The following NDST4 variants were observed in gnomAD, a reference collection of about 807,000 sequenced individuals.
NDST4 encodes the protein N-deacetylase and N-sulfotransferase 4.
In NDST4, 63 loss-of-function variants were observed where a neutral mutation model predicts 100.8. The observed-to-expected ratio is 0.62, with a 90% CI of 0.51 to 0.77. The LOEUF (loss-of-function observed/expected upper bound fraction) is 0.77. Ranked by LOEUF, NDST4 falls within the 30% of genes least tolerant of loss-of-function variation. The probability of loss-of-function intolerance (pLI) is 0.00; values close to 1 mark genes in which losing one functional copy is unlikely to be tolerated. For missense variants in NDST4, 943 were observed against 1,018.4 expected (o/e 0.93, Z 1.01); for synonymous variants, 377 against 361.8 (o/e 1.04, Z -0.48).
At chr4:114,965,357 C>T (rs553177973) in intron 4 of NDST4, among the ~76,000 whole-genome samples, 1 of 151,932 alleles carries the variant, frequency 6.6e-6, no homozygotes, top group Admixed American at 6.6e-5. Flanking sequence ...GAGTGTGCAG[C>T]CTATTATGAC....
chr4:115,017,574 G>T (rs995675693), intron 2 of NDST4, among the ~76,000 whole-genome samples: 31 of 151,944 alleles, frequency 2.0e-4, no homozygotes, highest in African/African-American at 7.5e-4. Flanking sequence ...AGGTCATTTT[G>T]GGAAACACCA....
chr4:115,006,456 T>C (rs1727419493), intron 2 of NDST4, among the ~76,000 whole-genome samples: 1 of 152,068 alleles, frequency 6.6e-6, no homozygotes, highest in African/African-American at 2.4e-5. Context: ...GGGGTAGTAA[T>C]AAATATGAAA....
At chr4:115,077,603 T>C (rs1181102494) in intron 1 of NDST4, among the ~76,000 whole-genome samples, 3 of 152,196 alleles carry the variant, frequency 2.0e-5, no homozygotes, top group Admixed American at 6.6e-5. Context: ...TAACAAAGTA[T>C]GTCAGTTACC....
chr4:115,033,218 A>T (rs1461885461), intron 2 of NDST4, among the ~76,000 whole-genome samples: 2 of 143,682 alleles, frequency 1.4e-5, no homozygotes, highest in African/African-American at 5.2e-5. Context: ...CAGAAGTGTG[A>T]TCATGGCTCA....
At chr4:114,982,861 C>T (rs1230545436) in intron 2 of NDST4, among the ~76,000 whole-genome samples, 1 of 152,144 alleles carries the variant, frequency 6.6e-6, no homozygotes, top group African/African-American at 2.4e-5. Context: ...CATGGCCCAG[C>T]TTCTCTGTGC....
intron 6 of NDST4, among the ~76,000 whole-genome samples, chr4:114,891,857 G>A (rs11938588): frequency 0.23 from 34,280 of 152,010 alleles, 5,528 homozygotes; most frequent in African/African-American, 0.46. Flanking sequence ...TGATACAAAA[G>A]CATTCTATTG....
At chr4:114,932,078 A>G (rs1248299937) in intron 6 of NDST4, among the ~76,000 whole-genome samples, 5 of 151,932 alleles carry the variant, frequency 3.3e-5, no homozygotes, top group Non-Finnish European at 5.9e-5. Flanking sequence ...TGACAAACAT[A>G]GAGACAAAAG....
At chr4:114,927,258 G>A (rs935521370) in intron 6 of NDST4, among the ~76,000 whole-genome samples, 1 of 151,500 alleles carries the variant, frequency 6.6e-6, no homozygotes, top group African/African-American at 2.4e-5. Flanking sequence ...TACAATGAGA[G>A]AGATGTAGCC....
chr4:115,043,467 T>C (rs996283240), intron 2 of NDST4, among the ~76,000 whole-genome samples: 1 of 152,096 alleles, frequency 6.6e-6, no homozygotes, highest in Non-Finnish European at 1.5e-5. Context: ...ATAGGCACTA[T>C]ACACTGTTCA....
intron 1 of NDST4, among the ~76,000 whole-genome samples, chr4:115,099,651 A>C (rs2126297625): frequency 6.6e-6 from 1 of 152,310 alleles, no homozygotes; most frequent in South Asian, 2.1e-4. Context: ...AAAATCTAAA[A>C]CAATGACAAC....
chr4:115,044,179 G>T (rs543476263), intron 2 of NDST4, among the ~76,000 whole-genome samples: 1 of 152,264 alleles, frequency 6.6e-6, no homozygotes, highest in East Asian at 1.9e-4. Context: ...GGTAGGGACT[G>T]ATCCTTCCTT....
At chr4:114,986,002 G>T (rs1726892026) in intron 2 of NDST4, among the ~76,000 whole-genome samples, 1 of 152,130 alleles carries the variant, frequency 6.6e-6, no homozygotes, top group Admixed American at 6.6e-5. Context: ...TGGAGGGTAA[G>T]TTTCAGGAAC....
At chr4:115,071,411 A>G (rs1729075864) in intron 2 of NDST4, among the ~76,000 whole-genome samples, 1 of 152,088 alleles carries the variant, frequency 6.6e-6, no homozygotes, top group Admixed American at 6.6e-5. Flanking sequence ...GAAGTGGCCA[A>G]GGAAGAGTCC....
intron 6 of NDST4, among the ~76,000 whole-genome samples, chr4:114,908,995 A>G (rs1725008707): frequency 6.6e-6 from 1 of 152,208 alleles, no homozygotes; most frequent in Non-Finnish European, 1.5e-5. Flanking sequence ...ATATGTTTCA[A>G]GTAAAACACA....
intron 6 of NDST4, among the ~76,000 whole-genome samples, chr4:114,897,105 G>T (rs1271736865): frequency 6.6e-6 from 1 of 152,054 alleles, no homozygotes; most frequent in Admixed American, 6.6e-5. Context: ...TCCACAGATA[G>T]TTTACATTAG....
At chr4:115,061,973 A>C (rs1373665559) in intron 2 of NDST4, among the ~76,000 whole-genome samples, 1 of 152,106 alleles carries the variant, frequency 6.6e-6, no homozygotes, top group Non-Finnish European at 1.5e-5. Flanking sequence ...AGAATACCAG[A>C]ATAAAATAAA....
At chr4:115,108,985 A>G (rs948495421) in intron 1 of NDST4, among the ~76,000 whole-genome samples, 5 of 151,616 alleles carry the variant, frequency 3.3e-5, no homozygotes, top group Admixed American at 6.6e-5. Flanking sequence ...GAAAAAAGAC[A>G]AGAGGAAGGT....
chr4:115,027,376 A>G (rs1728009673), intron 2 of NDST4, among the ~76,000 whole-genome samples: 1 of 152,162 alleles, frequency 6.6e-6, no homozygotes, highest in Non-Finnish European at 1.5e-5. Context: ...AGATCATTGT[A>G]TCTCAACACT....
At chr4:114,895,835 T>C (rs759427173) in intron 6 of NDST4, among the ~76,000 whole-genome samples, 1 of 151,936 alleles carries the variant, frequency 6.6e-6, no homozygotes, top group African/African-American at 2.4e-5. Context: ...AAAAAAAGCT[T>C]ATCCACCACG....
Sources: gnomAD v4.1 joint callset for allele counts (sites outside exome capture counted in the v4.1 genomes callset) on GRCh38, gnomAD v4.1.1 for gene constraint, MANE v1.5 for transcripts, NCBI Gene and HGNC (gene_info 2026-07-23, HGNC 2026-07-21) for gene names.